The following C5orf46 variants were observed in gnomAD, a reference collection of about 807,000 sequenced individuals.
C5orf46 encodes the protein chromosome 5 open reading frame 46.
Under a neutral mutation model 8.9 loss-of-function variants are expected in C5orf46, and 9 were observed. The ratio of observed to expected loss-of-function variants is 1.01; its 90% confidence interval spans 0.61 to 1.76. C5orf46 has a LOEUF of 1.76. C5orf46 is among the 40% of genes most tolerant of loss of function. C5orf46 has a pLI of 0.00. For synonymous variants in C5orf46, 47 were observed against 41.4 expected (o/e 1.14, Z -0.52); for missense variants, 98 against 107.8 (o/e 0.91, Z 0.40).
chr5:147,886,903 A>G (rs1757428801), intron 2 of C5orf46: 2 of 152,274 alleles, frequency 1.3e-5, no homozygotes, highest in South Asian at 4.1e-4. Context: ...TTTGATAACT[A>G]GTCACACATT....
At chr5:147,906,360 T>C (rs1757751011) in intron 1 of C5orf46, 72 bp downstream of exon 1, 1 of 969,922 alleles carries the variant, frequency 1.0e-6, no homozygotes, top group Non-Finnish European at 1.6e-6. Context: ...ATGTTCTGAA[T>C]CAGTGCCATC....
In C5orf46 at chr5:147,893,021, A is replaced by T. The variant is rs147532880; in HGVS notation, c.*10-82T>A. 550 of 152,318 alleles carry T rather than the reference A, an allele frequency of 3.6e-3. 4 individuals are homozygous for T. Among genetic ancestry groups the T allele is most frequent in the African/African-American group, 0.013 (531 of 41,574 alleles). The allele number at this position is 152,318 out of a possible 1,614,324, so 9.4% of individuals were successfully genotyped here. A position where few individuals can be genotyped will look rare whatever the true frequency, so the allele number is the denominator to read the frequency against. On this transcript the variant is annotated intron_variant, in intron 3 of 3. Coordinates refer to ENST00000318315, the MANE Select transcript of C5orf46 (RefSeq NM_206966.3). ...CGTTAAATAAACCAAATAACTTTTA[A>T]CCTTTCCCTTAAAATTTTTATGCTT...
chr5:147,893,281 C>CTTT (rs768391434), intron 3 of C5orf46, among the ~76,000 whole-genome samples: 5 of 127,662 alleles, frequency 3.9e-5, no homozygotes, highest in African/African-American at 8.8e-5. Context: ...TCACATAAAT[C>CTTT]TTTTTTTTTT....
downstream of C5orf46, among the ~76,000 whole-genome samples, chr5:147,891,444 T>C (rs1757501919): frequency 6.6e-6 from 1 of 152,084 alleles, no homozygotes; most frequent in Admixed American, 6.6e-5. Context: ...CTATAGATCG[T>C]TGGAGATCTT....
intron 3 of C5orf46, among the ~76,000 whole-genome samples, chr5:147,895,366 C>G (rs1386576245): frequency 1.3e-5 from 2 of 152,162 alleles, no homozygotes; most frequent in Non-Finnish European, 2.9e-5. Flanking sequence ...AGCCATTCCT[C>G]CCTGCTCATC....
chr5:147,890,761 C>T (rs888908970), downstream of C5orf46, among the ~76,000 whole-genome samples: 1 of 151,902 alleles, frequency 6.6e-6, no homozygotes, highest in African/African-American at 2.4e-5. Context: ...GACAAGGATC[C>T]CAATATGGCT....
chr5:147,900,671 C>T (rs933377264), intron 2 of C5orf46, among the ~76,000 whole-genome samples: 9 of 152,242 alleles, frequency 5.9e-5, no homozygotes, highest in Admixed American at 5.9e-4. Context: ...AAATGGGATG[C>T]AGAAATCTGC....
chr5:147,891,863 G>C (rs1261435072), downstream of C5orf46, among the ~76,000 whole-genome samples: 1 of 152,164 alleles, frequency 6.6e-6, no homozygotes, highest in African/African-American at 2.4e-5. Context: ...CATTTAGTAG[G>C]AATTCACTCT....
intron 1 of C5orf46, among the ~76,000 whole-genome samples, chr5:147,904,755 ACAGTG>A (rs1169184494): frequency 3.9e-5 from 6 of 151,900 alleles, no homozygotes; most frequent in Admixed American, 3.9e-4. Context: ...AAACTTGCAC[ACAGTG>A]CTTAACTTTG....
At chr5:147,895,945 A>G (rs1757573442) in intron 3 of C5orf46, among the ~76,000 whole-genome samples, 1 of 152,162 alleles carries the variant, frequency 6.6e-6, no homozygotes, top group Non-Finnish European at 1.5e-5. Context: ...CTGAACTTAC[A>G]TTAATCACAC....
At chr5:147,900,497 A>G (rs1296502725) in intron 2 of C5orf46, among the ~76,000 whole-genome samples, 2 of 152,234 alleles carry the variant, frequency 1.3e-5, no homozygotes, top group Admixed American at 6.5e-5. Flanking sequence ...TCACACTGAC[A>G]CAAAATATTA....
chr5:147,894,764 A>G (rs991231002), intron 3 of C5orf46, among the ~76,000 whole-genome samples: 1 of 151,912 alleles, frequency 6.6e-6, no homozygotes, highest in Non-Finnish European at 1.5e-5. Flanking sequence ...GTAAAAAAAA[A>G]AAAAAGGGAG....
At chr5:147,897,103 C>G (rs1757592978) in intron 2 of C5orf46, 62 bp from the exon 3 acceptor site, 1 of 727,930 alleles carries the variant, frequency 1.4e-6, no homozygotes, top group East Asian at 3.0e-5. Flanking sequence ...TTAGAATGAT[C>G]ACTAAGGCGC....
At chr5:147,888,217 A>G (rs1006379030), downstream of C5orf46, among the ~76,000 whole-genome samples, 5 of 152,074 alleles carry the variant, frequency 3.3e-5, no homozygotes, top group African/African-American at 1.2e-4. Flanking sequence ...ATCCTTCCAC[A>G]TGGTTCTGTC....
At chr5:147,890,721 A>G (rs1479084365), downstream of C5orf46, among the ~76,000 whole-genome samples, 1 of 152,124 alleles carries the variant, frequency 6.6e-6, no homozygotes, top group Non-Finnish European at 1.5e-5. Flanking sequence ...AGGCCCTATA[A>G]AAAGAACATA....
At chr5:147,899,263 C>T (rs189651910) in intron 2 of C5orf46, among the ~76,000 whole-genome samples, 35 of 152,230 alleles carry the variant, frequency 2.3e-4, no homozygotes, top group Middle Eastern at 3.4e-3. Context: ...GATTAAGAGC[C>T]TAGACTATTC....
intron 1 of C5orf46, 91 bp from the exon 2 acceptor site, chr5:147,901,864 C>A: frequency 1.4e-6 from 2 of 1,407,758 alleles, no homozygotes; most frequent in Non-Finnish European, 1.9e-6. Flanking sequence ...TCTTTCTGAC[C>A]CACTCACAAA....
In C5orf46 at chr5:147,896,999, T is replaced by G. The variant is rs763273113; in HGVS notation, c.258A>C (p.Ser86=). 23 of 1,509,084 alleles carry G rather than the reference T, an allele frequency of 1.5e-5. No homozygotes were observed. Among genetic ancestry groups the G allele is most frequent in the Non-Finnish European group, 2.1e-5 (23 of 1,100,634 alleles). The allele number at this position is 1,509,084 out of a possible 1,614,324, so 93.5% of individuals were successfully genotyped here. A position where few individuals can be genotyped will look rare whatever the true frequency, so the allele number is the denominator to read the frequency against. ...GAAAAATCACCTGAGGATGTCACTT[T>G]GATGAATGTTTTCCTTCATTATCAT... is the stretch of plus-strand genomic sequence containing the variant. The part of the protein sequence containing the change: ...EFDDNEGKHS[S]K The change falls in exon 3 of 4, where the codon TCA becomes TCC. Residue 86 remains serine (S), a synonymous_variant. Transcript: ENST00000318315.
chr5:147,901,568 C>A, intron 2 of C5orf46, 61 bp downstream of exon 2: 1 of 1,502,128 alleles, frequency 6.7e-7, no homozygotes, highest in Non-Finnish European at 9.1e-7. Flanking sequence ...GCCATGAGGT[C>A]ATTGTGTGGT....
Sources: allele counts gnomAD v4.1 joint callset (sites outside exome capture counted in the v4.1 genomes callset), GRCh38; gene constraint gnomAD v4.1.1; transcripts MANE v1.5; gene names NCBI Gene and HGNC (gene_info 2026-07-23, HGNC 2026-07-21).